CFAP57: variants seen among roughly 807,000 people sequenced by gnomAD.
CFAP57 encodes the protein cilia and flagella associated protein 57, also known as cilia- and flagella-associated protein 57.
In CFAP57, 116 loss-of-function variants were observed where a neutral mutation model predicts 146.8. The ratio of observed to expected loss-of-function variants is 0.79; its 90% CI spans 0.68 to 0.92. CFAP57 has a LOEUF of 0.92. CFAP57 is among the 40% of genes least tolerant of loss of function. The pLI, the probability that CFAP57 is intolerant of heterozygous loss-of-function variation, is 0.00. For missense variants in CFAP57, 1,377 were observed against 1,527.2 expected (o/e 0.90, Z 1.64); for synonymous variants, 518 against 552.8 (o/e 0.94, Z 0.88).
chr1:43,240,023 T>C (rs1005213727), intron 21 of CFAP57, among the ~76,000 whole-genome samples: 3 of 152,232 alleles, frequency 2.0e-5, no homozygotes, highest in African/African-American at 4.8e-5. Context: ...GAATTGATCA[T>C]GTCATGATAT....
In CFAP57 at chr1:43,206,622, C is replaced by T. The variant is rs1644368116; in HGVS notation, c.1543-98C>T. ...GCCTACAGCAGGAAAGGACGTTCTG[C>T]TCAGTCTAGTGGAGCACCTAAGGAG... On this transcript the variant is annotated intron_variant, in intron 9 of 22. Coordinates refer to ENST00000372492, the MANE Select transcript of CFAP57 (RefSeq NM_001378189.1). 4.1e-6 allele frequency: 5 copies of T among 1,224,412 alleles called. No individual in the cohort carries two copies. The East Asian group carries it at 7.0e-5, about 17-fold the overall frequency. The allele number at this position is 1,224,412 out of a possible 1,614,324, so 75.8% of individuals were successfully genotyped here. A position where few individuals can be genotyped will look rare whatever the true frequency, so the allele number is the denominator to read the frequency against.
intron 11 of CFAP57, among the ~76,000 whole-genome samples, chr1:43,211,070 T>A (rs566912101): frequency 6.6e-6 from 1 of 152,260 alleles, no homozygotes; most frequent in East Asian, 1.9e-4. Flanking sequence ...TTTTGAGTTA[T>A]ATCCCAAACT....
At chr1:43,192,466 A>G (rs879541707) in intron 6 of CFAP57, among the ~76,000 whole-genome samples, 15 of 152,174 alleles carry the variant, frequency 9.9e-5, no homozygotes, top group African/African-American at 2.4e-4. Context: ...TACTAAAAAA[A>G]TACAAAATTA....
chr1:43,222,661 G>GGAC (rs1645091681), intron 15 of CFAP57, among the ~76,000 whole-genome samples, 163 bp from the exon 16 acceptor site: 1 of 152,176 alleles, frequency 6.6e-6, no homozygotes, highest in African/African-American at 2.4e-5. Context: ...GGAAGAAGGT[G>GGAC]GACAGGTCAA....
intron 13 of CFAP57, among the ~76,000 whole-genome samples, chr1:43,220,192 C>T (rs1644991191): frequency 6.6e-6 from 1 of 151,822 alleles, no homozygotes; most frequent in Non-Finnish European, 1.5e-5. Context: ...TTTGTAATTT[C>T]CAAATTCTCT....
At chr1:43,186,473 C>T (rs569967151) in intron 5 of CFAP57, among the ~76,000 whole-genome samples, 3 of 151,720 alleles carry the variant, frequency 2.0e-5, no homozygotes, top group Admixed American at 1.3e-4. Flanking sequence ...TAGCCAAGCG[C>T]GGTGGTGGGC....
At position 43,251,382 on chromosome 1, in the gene CFAP57, G is replaced by A. The variant is rs1282293521; in HGVS notation, c.3539-2595G>A. On this transcript the variant is annotated intron_variant, in intron 22 of 22. Coordinates refer to ENST00000372492, the MANE Select transcript of CFAP57 (RefSeq NM_001378189.1). ...TGGGTAAGAAAACAAGAACTAGGGA[G>A]GGGCCAAGGGCCACCCGGTGCAGTG... Among the ~76,000 whole-genome samples the A allele has an allele frequency of 2.0e-5, 3 of 152,298 alleles. No homozygotes were observed. The East Asian group carries it at 5.8e-4, about 29-fold the overall frequency.
intron 17 of CFAP57, among the ~76,000 whole-genome samples, chr1:43,225,225 A>G (rs1453536999): frequency 2.6e-5 from 4 of 152,120 alleles, no homozygotes; most frequent in East Asian, 3.9e-4. Flanking sequence ...TCCCACCACC[A>G]TGGACTGGCA....
At chr1:43,183,443 A>G (rs957264980) in intron 3 of CFAP57, 148 bp from the exon 4 acceptor site, 19 of 753,828 alleles carry the variant, frequency 2.5e-5, no homozygotes, top group Non-Finnish European at 4.2e-5. Flanking sequence ...GTGTGCCCTT[A>G]TCAAATGCAG....
chr1:43,188,107 A>G (rs1398358005), intron 6 of CFAP57, among the ~76,000 whole-genome samples: 2 of 152,098 alleles, frequency 1.3e-5, no homozygotes, highest in Non-Finnish European at 1.5e-5. Context: ...CCTGGCCAGC[A>G]TGTTTTCAAT....
chr1:43,199,782 A>G (rs1417335677), intron 9 of CFAP57, among the ~76,000 whole-genome samples: 1 of 152,060 alleles, frequency 6.6e-6, no homozygotes, highest in African/African-American at 2.4e-5. Flanking sequence ...AAGAGTGAGT[A>G]GGAGTTAATC....
In CFAP57 at chr1:43,185,218, T is replaced by C. The variant is rs371827456; in HGVS notation, c.831T>C (p.His277=). Residue 277 remains histidine, a synonymous_variant, in exon 5 of 23, where the codon CAT becomes CAC. Transcript: ENST00000372492. ...SYEQMVAASS[H]SQMSMPQVFA... ...AACAGATGGTGGCGGCCAGTAGCCA[T>C]AGCCAGATGTCCATGCCCCAGGTGT... The C allele has an allele frequency of 6.8e-6, 11 of 1,614,214 alleles. No homozygotes were observed. Among genetic ancestry groups the C allele is most frequent in the African/African-American group, 4.0e-5 (3 of 75,052 alleles).
At position 43,238,962 on chromosome 1, in the gene CFAP57, C is replaced by G. The variant is rs796197038; in HGVS notation, c.3406-4265C>G. Among the ~76,000 whole-genome samples, 6 of 152,148 alleles carry G rather than the reference C, an allele frequency of 3.9e-5. No individual in the cohort carries two copies. Among genetic ancestry groups the G allele is most frequent in the African/African-American group, 1.4e-4 (6 of 41,522 alleles). On this transcript the variant is annotated intron_variant, in intron 21 of 22. Transcript: ENST00000372492. This position sits in a 1 kb window ranked among gnomAD's most constrained non-coding sequence, Gnocchi z 4.3. ...TTTGCAGTGATCCAATCAACCCTTGCAATTGTGGTTACTCTTATTATCGTT... is the reference window on the plus strand; with the variant it reads ...TTTGCAGTGATCCAATCAACCCTTGGAATTGTGGTTACTCTTATTATCGTT...
At chr1:43,207,041 C>T (rs1442645814) in intron 10 of CFAP57, 109 bp downstream of exon 10, 2 of 1,071,426 alleles carry the variant, frequency 1.9e-6, no homozygotes, top group Admixed American at 1.9e-5. Context: ...GCATACAGGG[C>T]CCCTTCTTCC....
chr1:43,253,224 T>C (rs1188426635), intron 22 of CFAP57, among the ~76,000 whole-genome samples: 7 of 152,148 alleles, frequency 4.6e-5, no homozygotes, highest in Admixed American at 4.6e-4. Flanking sequence ...GCCAATTTGG[T>C]AGGCAAGAAA....
chr1:43,232,493 C>G lies in CFAP57; in HGVS notation c.3010-15C>G. On this transcript the variant is annotated splice_polypyrimidine_tract_variant and intron_variant, in intron 18 of 22. Coordinates refer to ENST00000372492, the MANE Select transcript of CFAP57 (RefSeq NM_001378189.1). ...AACTTTCTTCTTCTTGACTCTTTTC[C>G]CTTGTTGTCTACAGATGGAAGCTGA... 1.9e-6 allele frequency: 3 copies of G among 1,544,804 alleles called. No individual in the cohort carries two copies. The highest frequency in any genetic ancestry group is 2.6e-6 in the Non-Finnish European group (3 of 1,142,026).
intron 2 of CFAP57, among the ~76,000 whole-genome samples, chr1:43,180,984 C>T (rs1289026020): frequency 6.6e-6 from 1 of 152,114 alleles, no homozygotes; most frequent in Non-Finnish European, 1.5e-5. Context: ...CTGCTATCTA[C>T]CACCCAGTCC....
At chr1:43,187,849 G>A (rs1018918708) in intron 6 of CFAP57, among the ~76,000 whole-genome samples, 3 of 152,190 alleles carry the variant, frequency 2.0e-5, no homozygotes, top group Non-Finnish European at 4.4e-5. Flanking sequence ...TGTCACCCAG[G>A]TGGGAGTGCA....
intron 22 of CFAP57, among the ~76,000 whole-genome samples, chr1:43,246,689 T>A (rs367609900): frequency 2.6e-5 from 4 of 152,208 alleles, no homozygotes; most frequent in South Asian, 2.1e-4. Flanking sequence ...GTTTGTGAGA[T>A]TTGCAGCAAT....
Sources: gnomAD v4.1 joint callset for allele counts (sites outside exome capture counted in the v4.1 genomes callset) on GRCh38, gnomAD v4.1.1 for gene constraint, Gnocchi (gnomAD v3.1) non-coding constraint, MANE v1.5 for transcripts, NCBI Gene and HGNC (gene_info 2026-07-23, HGNC 2026-07-21) for gene names.